RAB27A: variants seen among roughly 807,000 people sequenced by gnomAD.
RAB27A encodes ras-related protein Rab-27A.
In RAB27A, 17 loss-of-function variants were observed where a neutral mutation model predicts 20.8. The ratio of observed to expected loss-of-function variants is 0.82; its 90% CI spans 0.56 to 1.23. The LOEUF is 1.23. RAB27A is among the 50% of genes most tolerant of loss of function. The pLI is 0.00. For synonymous variants in RAB27A, 85 were observed against 92.8 expected (o/e 0.92, Z 0.48); for missense variants, 277 against 266.7 (o/e 1.04, Z -0.27).
In RAB27A at chr15:55,269,033, A is replaced by G. The variant is rs76090805; in HGVS notation, c.-23+1132T>C. Among the ~76,000 whole-genome samples, 299 of 152,348 alleles carry G rather than the reference A, an allele frequency of 2.0e-3. 3 individuals carry two copies. Among genetic ancestry groups the G allele is most frequent in the African/African-American group, 6.9e-3 (287 of 41,582 alleles). On this transcript the variant is annotated intron_variant, in intron 2 of 6. Transcript: ENST00000336787. ...AGACATAGGGAGAAGACAGCCATCC[A>G]CAGCTAAGCAGAAAGGCCTGGAACG...
intron 2 of RAB27A, among the ~76,000 whole-genome samples, chr15:55,298,145 C>G (rs2054957160): frequency 6.7e-6 from 1 of 149,932 alleles, no homozygotes; most frequent in Non-Finnish European, 1.5e-5. Context: ...GCAGAGCTTG[C>G]TGTCAGCCAA....
intron 2 of RAB27A, among the ~76,000 whole-genome samples, chr15:55,304,428 C>T (rs1429888839): frequency 6.6e-6 from 1 of 150,636 alleles, no homozygotes; most frequent in Non-Finnish European, 1.5e-5. Context: ...TGCCAAATCC[C>T]CCTCTGTGAG....
At chr15:55,205,910 A>T (rs1367088109) in intron 6 of RAB27A, among the ~76,000 whole-genome samples, 1 of 152,184 alleles carries the variant, frequency 6.6e-6, no homozygotes, top group Non-Finnish European at 1.5e-5. Context: ...TGGAAATTTT[A>T]GACTCTTCAA....
intron 2 of RAB27A, among the ~76,000 whole-genome samples, chr15:55,311,083 G>A (rs2055018469): frequency 6.6e-6 from 1 of 151,326 alleles, no homozygotes. Context: ...GCTGGCCTGT[G>A]GGGAATTTTT....
chr15:55,239,205 G>A (rs1223620381), intron 2 of RAB27A, among the ~76,000 whole-genome samples: 1 of 152,180 alleles, frequency 6.6e-6, no homozygotes, highest in East Asian at 1.9e-4. Flanking sequence ...CTATCGAACT[G>A]CTGGAAACTA....
Position 55,270,238 on chromosome 15 carries a change from T to C in RAB27A, c.-96A>G, listed in dbSNP as rs555428113. ...ACTGGAGTTACCAATGCTTCAACAA[T>C]TGACAACTTCCAATCACATGTCCTC... On this transcript the variant is annotated 5_prime_UTR_variant, in exon 2 of 7. Transcript: ENST00000336787. 1.3e-5 allele frequency: 2 copies of C among 152,342 alleles called. No individual in the cohort carries two copies. The highest frequency in any genetic ancestry group is 1.9e-4 in the East Asian group (1 of 5,188). 9.4% of individuals were successfully genotyped at this position (152,342 alleles called of 1,614,324 possible).
At chr15:55,273,588 G>A (rs942773616) in intron 1 of RAB27A, among the ~76,000 whole-genome samples, 3 of 151,996 alleles carry the variant, frequency 2.0e-5, no homozygotes, top group African/African-American at 7.2e-5. Flanking sequence ...CCAAAAGAAA[G>A]CAGGGGTGAC....
At position 55,310,010 on chromosome 15, in the gene RAB27A, G is replaced by A. The variant is rs114595544; in HGVS notation, c.-112+4029C>T. Among the ~76,000 whole-genome samples, 571 of 152,062 alleles carry A rather than the reference G, an allele frequency of 3.8e-3. 3 individuals carry two copies. The highest frequency in any genetic ancestry group is 0.013 in the African/African-American group (555 of 41,460). ...CTTTGCTCGTCCATATTGTCCTTCT[G>A]TTACCCAGACTTCAAGCAGGGGACA... On this transcript the variant is annotated intron_variant, in intron 2 of 5. Transcript: ENST00000563262.
intron 6 of RAB27A, among the ~76,000 whole-genome samples, chr15:55,214,797 A>ATG (rs1333691183): frequency 6.6e-6 from 1 of 152,106 alleles, no homozygotes; most frequent in African/African-American, 2.4e-5. Flanking sequence ...TGGAGTCAAT[A>ATG]TGTGTTTATT....
chr15:55,291,793 C>T (rs1303928364), upstream of RAB27A, among the ~76,000 whole-genome samples: 1 of 152,256 alleles, frequency 6.6e-6, no homozygotes, highest in East Asian at 1.9e-4. Context: ...TTCATCAAGT[C>T]AGGCACCCTA....
intron 2 of RAB27A, among the ~76,000 whole-genome samples, chr15:55,309,981 C>T (rs2055013383): frequency 1.3e-5 from 2 of 151,942 alleles, no homozygotes; most frequent in African/African-American, 4.8e-5. Context: ...ACAGGACGGG[C>T]ATTCTTTGCT....
intron 2 of RAB27A, among the ~76,000 whole-genome samples, chr15:55,313,684 G>A (rs1037379173): frequency 3.3e-5 from 5 of 152,148 alleles, no homozygotes; most frequent in African/African-American, 1.2e-4. Context: ...GAGCAGCCTG[G>A]CCAACAGGGT....
intron 2 of RAB27A, among the ~76,000 whole-genome samples, chr15:55,298,378 T>C (rs1186992233): frequency 6.6e-6 from 1 of 152,084 alleles, no homozygotes; most frequent in East Asian, 1.9e-4. Flanking sequence ...CACATGTCGG[T>C]AGGTTCCGTG....
chr15:55,315,454 G>A (rs4354865), intron 1 of RAB27A, among the ~76,000 whole-genome samples: 73,875 of 151,982 alleles, frequency 0.49, 21,252 homozygotes, highest in African/African-American at 0.79. Flanking sequence ...AGAAACTATC[G>A]TGAGAGTGAA....
chr15:55,241,936 T>C (rs1279867662), intron 2 of RAB27A, among the ~76,000 whole-genome samples: 1 of 152,124 alleles, frequency 6.6e-6, no homozygotes, highest in Non-Finnish European at 1.5e-5. Flanking sequence ...GGAAATAAGA[T>C]AGAAGAGAGT....
chr15:55,286,998 C>T (rs1439719266), intron 1 of RAB27A, among the ~76,000 whole-genome samples: 1 of 141,096 alleles, frequency 7.1e-6, no homozygotes, highest in African/African-American at 2.6e-5. Context: ...TAGCTCACTG[C>T]AACCTCCGCC....
intron 6 of RAB27A, among the ~76,000 whole-genome samples, chr15:55,215,600 C>A (rs530011479): frequency 3.2e-4 from 45 of 140,430 alleles, no homozygotes; most frequent in Non-Finnish European, 5.1e-4. Context: ...TGCAGTGAGC[C>A]GAGATCGCGC....
intron 1 of RAB27A, among the ~76,000 whole-genome samples, chr15:55,278,567 C>G (rs1241268856): frequency 6.6e-6 from 1 of 151,618 alleles, no homozygotes; most frequent in East Asian, 1.9e-4. Flanking sequence ...ACTGCAAGCT[C>G]CACCTCCTGG....
At chr15:55,242,683 T>TA (rs1896539179) in intron 2 of RAB27A, among the ~76,000 whole-genome samples, 1 of 152,190 alleles carries the variant, frequency 6.6e-6, no homozygotes, top group Non-Finnish European at 1.5e-5. Context: ...ACAATGATTT[T>TA]GGGGCGCCCT....
Sources: allele counts gnomAD v4.1 joint callset (sites outside exome capture counted in the v4.1 genomes callset), GRCh38; gene constraint gnomAD v4.1.1; transcripts MANE v1.5; gene names NCBI Gene and HGNC (gene_info 2026-07-23, HGNC 2026-07-21).